The following PGBD5 variants were observed in gnomAD, a reference collection of about 807,000 sequenced individuals.
The protein encoded by PGBD5 is piggyBac transposable element derived 5.
In PGBD5, 14 loss-of-function variants were observed where a neutral mutation model predicts 47.9. That is an observed-to-expected ratio of 0.29 (90% confidence interval 0.19 to 0.46). The LOEUF is 0.46. PGBD5 is among the 20% of genes least tolerant of loss of function. The pLI, the probability that PGBD5 is intolerant of heterozygous loss-of-function variation, is 1.00. For missense variants in PGBD5, 635 were observed against 716.0 expected (o/e 0.89, Z 1.29); for synonymous variants, 316 against 306.3 (o/e 1.03, Z -0.33).
intron 1 of PGBD5, among the ~76,000 whole-genome samples, chr1:230,413,460 A>G (rs1335361686): frequency 6.6e-6 from 1 of 152,078 alleles, no homozygotes; most frequent in African/African-American, 2.4e-5. Flanking sequence ...TGATCGCATC[A>G]TCGCACTCCA....
In PGBD5 at chr1:230,323,028, T is replaced by A. The variant is rs1558188920; in HGVS notation, c.*397A>T. 1.7e-5 allele frequency: 3 copies of A among 174,672 alleles called. No individual in the cohort carries two copies. The highest frequency in any genetic ancestry group is 3.7e-5 in the Non-Finnish European group (3 of 82,070). 10.8% of individuals were successfully genotyped at this position (174,672 alleles called of 1,614,324 possible). On this transcript the variant is annotated 3_prime_UTR_variant, in exon 7 of 7. Transcript: ENST00000391860. The surrounding 1 kb of genome is among the most constrained non-coding windows in gnomAD (Gnocchi z 4.1). ...CTTCAAGTCTTGAACTTGAACCACG[T>A]CCCAGATTGCTGTAGATCTTTAGGA...
chr1:230,359,731 C>T (rs1260727002), intron 1 of PGBD5, among the ~76,000 whole-genome samples: 1 of 152,198 alleles, frequency 6.6e-6, no homozygotes, highest in Admixed American at 6.5e-5. Context: ...AGGGAGGTTC[C>T]TGAGGCTTGG....
At chr1:230,402,425 A>G (rs367692173) in intron 1 of PGBD5, among the ~76,000 whole-genome samples, 4 of 152,222 alleles carry the variant, frequency 2.6e-5, no homozygotes, top group African/African-American at 9.6e-5. Flanking sequence ...CAATAGCAAC[A>G]TTTTAACTTT....
At chr1:230,367,550 A>G (rs77722926) in intron 1 of PGBD5, among the ~76,000 whole-genome samples, 3,180 of 151,976 alleles carry the variant, frequency 0.021, 95 homozygotes, top group African/African-American at 0.072. Flanking sequence ...CACACACAAA[A>G]AGTCTGGTGT....
chr1:230,357,173 C>T lies in PGBD5; in HGVS notation c.480G>A (p.Val160=). The change falls in exon 2 of 7, where the codon GTG becomes GTA. Residue 160 remains valine (V), a synonymous_variant. Coordinates refer to ENST00000391860, the MANE Select transcript of PGBD5 (RefSeq NM_001258311.2). The surrounding 1 kb of genome is among the most constrained non-coding windows in gnomAD (Gnocchi z 5.7). ...CCTTCATCTCCGTCAGCGTCACCTC[C>T]ACCCAGGCTCCGTCGCTCCCAAACC... ...QERFGSDGAW[V]EVTLTEMKAF... is the part of the protein sequence containing the mutation. The T allele has an allele frequency of 6.2e-7, 1 of 1,614,168 alleles. No individual in the cohort carries two copies. The highest frequency in any genetic ancestry group is 8.5e-7 in the Non-Finnish European group (1 of 1,180,024).
At chr1:230,361,539 T>C (rs373701728) in intron 1 of PGBD5, among the ~76,000 whole-genome samples, 2 of 152,118 alleles carry the variant, frequency 1.3e-5, no homozygotes, top group African/African-American at 4.8e-5. Flanking sequence ...CAGGGCAGCA[T>C]GTATAGTGGC....
chr1:230,396,574 G>T (rs1487267078), intron 1 of PGBD5, among the ~76,000 whole-genome samples: 4 of 55,902 alleles, frequency 7.2e-5, no homozygotes, highest in African/African-American at 3.8e-4. Flanking sequence ...CCCTCCCCCT[G>T]CATTCATCTG....
In PGBD5 at chr1:230,375,652, C is replaced by CTTTTTTTTTT. The variant is rs199545872; in HGVS notation, c.332-18341_332-18332dup. 7.5e-4 allele frequency among the ~76,000 whole-genome samples: 79 copies of CTTTTTTTTTT among 105,658 alleles called. 7 individuals carry two copies. Among genetic ancestry groups the CTTTTTTTTTT allele is most frequent in the African/African-American group, 3.4e-3 (76 of 22,420 alleles). The allele number at this position is 105,658 out of a possible 152,430, so 69.3% of individuals were successfully genotyped here. On this transcript the variant is annotated intron_variant, in intron 1 of 6. Coordinates refer to ENST00000391860, the MANE Select transcript of PGBD5 (RefSeq NM_001258311.2). ...AAGGTCATCTGAGCTTCCTATTTGA[C>CTTTTTTTTTT]TTTTTTTTTTTTTTTTTTTTTTTTT...
At chr1:230,340,014 A>G (rs554970276) in intron 3 of PGBD5, among the ~76,000 whole-genome samples, 1 of 152,312 alleles carries the variant, frequency 6.6e-6, no homozygotes, top group South Asian at 2.1e-4. Context: ...AATGATAACT[A>G]TGTGATGTAA....
Position 230,357,224 on chromosome 1 carries a change from G to A in PGBD5, c.429C>T (p.Asn143=). The part of the protein sequence containing the change: ...NVLKNMVVQT[N]MYAKKFQERF... ...GCTCCTGGAACTTCTTGGCATACAT[G>A]TTTGTCTGCACCACCATGTTCTTGA... Residue 143 remains asparagine (N), a synonymous_variant, in exon 2 of 7, where the codon AAC becomes AAT. Transcript: ENST00000391860. The surrounding 1 kb of genome is among the most constrained non-coding windows in gnomAD (Gnocchi z 5.7). 6.2e-7 allele frequency: 1 copy of A among 1,614,122 alleles called. No individual in the cohort carries two copies. Among genetic ancestry groups the A allele is most frequent in the Non-Finnish European group, 8.5e-7 (1 of 1,180,024 alleles).
rs1234186424 is a variant in PGBD5 at position 230,357,574 on chromosome 1, C to T, written c.332-253G>A. Among the ~76,000 whole-genome samples the T allele has an allele frequency of 3.9e-5, 6 of 152,294 alleles. No individual in the cohort carries two copies. The highest frequency in any genetic ancestry group is 1.4e-4 in the African/African-American group (6 of 41,548). Reference sequence around the variant, plus strand: ...TGTGTGTGTGGGAGCGCAGCTCCTCCCAGACACCACAGGAACAAACAGCCC... The same window carrying T: ...TGTGTGTGTGGGAGCGCAGCTCCTCTCAGACACCACAGGAACAAACAGCCC... On this transcript the variant is annotated intron_variant, in intron 1 of 6. Transcript: ENST00000391860. The surrounding 1 kb of genome is among the most constrained non-coding windows in gnomAD (Gnocchi z 5.7).
At chr1:230,358,988 T>C (rs1413096353) in intron 1 of PGBD5, among the ~76,000 whole-genome samples, 2 of 152,228 alleles carry the variant, frequency 1.3e-5, no homozygotes, top group African/African-American at 2.4e-5. Flanking sequence ...TTCTATGTAG[T>C]AACCTAAGAT....
chr1:230,326,201 T>C (rs1286953836), intron 5 of PGBD5, among the ~76,000 whole-genome samples: 2 of 152,226 alleles, frequency 1.3e-5, no homozygotes, highest in Non-Finnish European at 2.9e-5. Flanking sequence ...GGGGATCACC[T>C]GAGGTCAGTA....
chr1:230,334,993 A>G (rs1667279379), intron 4 of PGBD5, among the ~76,000 whole-genome samples: 1 of 151,868 alleles, frequency 6.6e-6, no homozygotes, highest in African/African-American at 2.4e-5. Flanking sequence ...CACTCCACCT[A>G]CCTTATCTCC....
rs926627643 is a variant in PGBD5 at position 230,321,974 on chromosome 1, A to T, written c.*1451T>A. On this transcript the variant is annotated 3_prime_UTR_variant, in exon 7 of 7. Transcript: ENST00000391860. ...GGGCCCGGAGCATGCGGACAGCAACACTCGCAATAACTGAGTGAGGACGAG... is the reference window on the plus strand; with the variant it reads ...GGGCCCGGAGCATGCGGACAGCAACTCTCGCAATAACTGAGTGAGGACGAG... The T allele has an allele frequency of 6.6e-6, 1 of 152,544 alleles. No homozygotes were observed. The highest frequency in any genetic ancestry group is 1.9e-4 in the East Asian group (1 of 5,180). 9.4% of individuals were successfully genotyped at this position (152,544 alleles called of 1,614,324 possible).
intron 3 of PGBD5, among the ~76,000 whole-genome samples, chr1:230,348,942 GAGTTGTC>G (rs1393531642): frequency 6.6e-6 from 1 of 152,226 alleles, no homozygotes; most frequent in Non-Finnish European, 1.5e-5. Flanking sequence ...TTTTGACTGG[GAGTTGTC>G]AGCTTCAATT....
At chr1:230,344,630 G>A (rs1355509665) in intron 3 of PGBD5, among the ~76,000 whole-genome samples, 4 of 152,198 alleles carry the variant, frequency 2.6e-5, no homozygotes, top group African/African-American at 9.6e-5. Context: ...AGGGCACACG[G>A]ACCTCATTCA....
chr1:230,370,191 A>AGGG (rs1558202545), intron 1 of PGBD5, among the ~76,000 whole-genome samples: 77 of 152,192 alleles, frequency 5.1e-4, no homozygotes, highest in African/African-American at 1.7e-3. Flanking sequence ...CAGTCAAGAC[A>AGGG]GGGCAGGGCG....
chr1:230,372,067 G>A (rs993778567), intron 1 of PGBD5, among the ~76,000 whole-genome samples: 26 of 152,214 alleles, frequency 1.7e-4, no homozygotes, highest in African/African-American at 6.0e-4. Flanking sequence ...TACAGTGCAA[G>A]TGATAGCAAG....
Sources: allele counts gnomAD v4.1 joint callset (sites outside exome capture counted in the v4.1 genomes callset), GRCh38; gene constraint gnomAD v4.1.1; non-coding constraint Gnocchi (gnomAD v3.1); transcripts MANE v1.5; gene names NCBI Gene and HGNC (gene_info 2026-07-23, HGNC 2026-07-21).